Variants in SH3GL2 observed in about 807,000 individuals in gnomAD.
The protein encoded by SH3GL2 is endophilin-A1.
Under a neutral mutation model 46.0 loss-of-function variants are expected in SH3GL2, and 24 were observed. The ratio of observed to expected loss-of-function variants is 0.52; its 90% confidence interval spans 0.38 to 0.73. The LOEUF (loss-of-function observed/expected upper bound fraction) is 0.73. Ranked by LOEUF, SH3GL2 falls within the 30% of genes least tolerant of loss-of-function variation. The pLI is 0.00. For synonymous variants in SH3GL2, 196 were observed against 147.1 expected, an observed-to-expected ratio of 1.33 and a Z score of -2.40; for missense variants, 413 against 424.2, an observed-to-expected ratio of 0.97 and a Z score of 0.23.
intron 2 of SH3GL2, among the ~76,000 whole-genome samples, chr9:17,755,094 C>T (rs975980793): frequency 6.6e-6 from 1 of 152,080 alleles, no homozygotes; most frequent in African/African-American, 2.4e-5. Flanking sequence ...CCAGCTTTTG[C>T]CCATTCAGTA....
chr9:17,751,434 T>C (rs1361114803), intron 2 of SH3GL2, among the ~76,000 whole-genome samples: 2 of 152,020 alleles, frequency 1.3e-5, no homozygotes, highest in Non-Finnish European at 2.9e-5. Context: ...AGAAAAACTT[T>C]TGGCTATCAA....
At chr9:17,585,416 C>T (rs948443310) in intron 1 of SH3GL2, among the ~76,000 whole-genome samples, 1 of 152,008 alleles carries the variant, frequency 6.6e-6, no homozygotes, top group African/African-American at 2.4e-5. Context: ...TTCTTTTAAT[C>T]CTTCGTACCC....
At chr9:17,770,486 C>G (rs550202572) in intron 3 of SH3GL2, among the ~76,000 whole-genome samples, 26 of 152,284 alleles carry the variant, frequency 1.7e-4, no homozygotes, top group Admixed American at 5.9e-4. Flanking sequence ...CAGGTTCACA[C>G]CCTTATATAA....
At chr9:17,744,478 A>G (rs13300747) in intron 1 of SH3GL2, among the ~76,000 whole-genome samples, 19,759 of 151,170 alleles carry the variant, frequency 0.13, 1,403 homozygotes, top group African/African-American at 0.17. Flanking sequence ...CAATTCTTTC[A>G]CCTCAGCCTC....
chr9:17,590,708 C>G (rs1448683110), intron 1 of SH3GL2: 1 of 152,210 alleles, frequency 6.6e-6, no homozygotes, highest in African/African-American at 2.4e-5. Flanking sequence ...GGAAGAATGT[C>G]ATTCTTTACA....
intron 2 of SH3GL2, 145 bp downstream of exon 2, chr9:17,747,279 A>G (rs992155048): frequency 1.4e-5 from 8 of 579,994 alleles, no homozygotes; most frequent in Non-Finnish European, 2.5e-5. Context: ...CTTTTCATGT[A>G]TGTTTTAAAA....
intron 1 of SH3GL2, among the ~76,000 whole-genome samples, chr9:17,673,445 C>G (rs1200971865): frequency 2.6e-5 from 4 of 151,908 alleles, no homozygotes; most frequent in African/African-American, 7.3e-5. Context: ...CACGCCTGGC[C>G]TTCACTTTGA....
intron 1 of SH3GL2, among the ~76,000 whole-genome samples, chr9:17,689,904 G>C (rs1213952283): frequency 6.6e-6 from 1 of 152,008 alleles, no homozygotes; most frequent in African/African-American, 2.4e-5. Context: ...ATGAATTCGG[G>C]GACTTTGTTA....
intron 1 of SH3GL2, among the ~76,000 whole-genome samples, chr9:17,691,251 T>G (rs1391291664): frequency 6.6e-6 from 1 of 152,202 alleles, no homozygotes; most frequent in Non-Finnish European, 1.5e-5. Context: ...GTTTTCTTCT[T>G]TCTCTTTGAG....
intron 1 of SH3GL2, among the ~76,000 whole-genome samples, chr9:17,693,922 A>C (rs1821143224): frequency 6.6e-6 from 1 of 152,172 alleles, no homozygotes; most frequent in African/African-American, 2.4e-5. Context: ...TTATTACTGA[A>C]TGTATAGTGG....
At chr9:17,640,292 A>C (rs551377023) in intron 1 of SH3GL2, among the ~76,000 whole-genome samples, 1 of 152,136 alleles carries the variant, frequency 6.6e-6, no homozygotes, top group East Asian at 1.9e-4. Flanking sequence ...TTTTCTAAGC[A>C]TTTTATATTC....
intron 1 of SH3GL2, among the ~76,000 whole-genome samples, chr9:17,704,368 A>C (rs1373065752): frequency 6.6e-6 from 1 of 152,158 alleles, no homozygotes; most frequent in Non-Finnish European, 1.5e-5. Context: ...ATACTCTCCA[A>C]AGCAATTTAC....
chr9:17,712,330 T>C (rs562613105), intron 1 of SH3GL2, among the ~76,000 whole-genome samples: 9 of 152,002 alleles, frequency 5.9e-5, no homozygotes, highest in Non-Finnish European at 1.2e-4. Context: ...CTAGTTCATC[T>C]AATTTTTCAC....
intron 1 of SH3GL2, among the ~76,000 whole-genome samples, chr9:17,710,906 A>G (rs1482916070): frequency 1.3e-5 from 2 of 151,908 alleles, no homozygotes; most frequent in Non-Finnish European, 2.9e-5. Flanking sequence ...TATAAATTAG[A>G]TACAGTAGGA....
At chr9:17,584,993 C>T (rs1016844370) in intron 1 of SH3GL2, among the ~76,000 whole-genome samples, 1 of 152,076 alleles carries the variant, frequency 6.6e-6, no homozygotes, top group African/African-American at 2.4e-5. Context: ...ATTAGAAGTA[C>T]CCTAGAAAAT....
intron 1 of SH3GL2, among the ~76,000 whole-genome samples, chr9:17,674,681 A>G (rs1820564846): frequency 6.6e-6 from 1 of 152,018 alleles, no homozygotes; most frequent in Non-Finnish European, 1.5e-5. Context: ...GTCCTCATTC[A>G]TCTGGTCGCC....
intron 1 of SH3GL2, among the ~76,000 whole-genome samples, chr9:17,593,784 A>G (rs1258254144): frequency 6.6e-6 from 1 of 152,192 alleles, no homozygotes; most frequent in African/African-American, 2.4e-5. Flanking sequence ...GAAGCTTTTG[A>G]AGTAATTTAG....
chr9:17,724,560 T>G (rs575203245), intron 1 of SH3GL2, among the ~76,000 whole-genome samples: 8 of 151,514 alleles, frequency 5.3e-5, no homozygotes, highest in African/African-American at 1.9e-4. Flanking sequence ...TTCCTGGGGG[T>G]GTGTGTGTGG....
chr9:17,725,726 A>G (rs1302209616), intron 1 of SH3GL2, among the ~76,000 whole-genome samples: 1 of 152,146 alleles, frequency 6.6e-6, no homozygotes, highest in African/African-American at 2.4e-5. Context: ...CTCTTGGCAC[A>G]CAGCCTTGCT....
Sources: allele counts gnomAD v4.1 joint callset (sites outside exome capture counted in the v4.1 genomes callset), GRCh38; gene constraint gnomAD v4.1.1; transcripts MANE v1.5; gene names NCBI Gene and HGNC (gene_info 2026-07-23, HGNC 2026-07-21).